The following ZNF503 variants were observed in gnomAD, a reference collection of about 807,000 sequenced individuals.
ZNF503 encodes zinc finger protein 503.
Under a neutral mutation model 34.4 loss-of-function variants are expected in ZNF503, and 15 were observed. That is an observed-to-expected ratio of 0.44 (90% CI 0.29 to 0.67). ZNF503 has a LOEUF of 0.67. ZNF503 is among the 30% of genes least tolerant of loss of function. The probability of loss-of-function intolerance (pLI) is 0.13; values close to 1 mark genes in which losing one functional copy is unlikely to be tolerated. For synonymous variants in ZNF503, 580 were observed against 456.8 expected, an observed-to-expected ratio of 1.27 and a Z score of -3.44; for missense variants, 1,007 against 926.8, an observed-to-expected ratio of 1.09 and a Z score of -1.12.
At chr10:75,303,361 A>T in the ZNF503 span, among the ~76,000 whole-genome samples, 1 of 152,216 alleles carries the variant, frequency 6.6e-6, no homozygotes, top group Admixed American at 6.5e-5. Context: ...CTGATCCCAC[A>T]TATAGTTGGA....
chr10:75,326,611 C>CT, the ZNF503 span, among the ~76,000 whole-genome samples: 11 of 149,822 alleles, frequency 7.3e-5, no homozygotes, highest in Non-Finnish European at 1.2e-4. Context: ...GGCAATCTTC[C>CT]TTTTTTTTTG....
At position 75,399,952 on chromosome 10, in the gene ZNF503, C is replaced by G. The variant is rs776238781; in HGVS notation, c.738G>C (p.Gly246=). 4.4e-6 allele frequency: 7 copies of G among 1,606,426 alleles called. No individual in the cohort carries two copies. Among genetic ancestry groups the G allele is most frequent in the Admixed American group, 1.7e-5 (1 of 59,910 alleles). The change falls in exon 2 of 2, where the codon GGG becomes GGC. Residue 246 remains glycine, a synonymous_variant. Transcript: ENST00000372524. ...TGTCGTCCTTGCCCTCCGGGGCACC[C>G]CCGGCCGAGGACAGCATACCTCCCG... ...CSPGGMLSSA[G]GAPEGKDDKK...
At chr10:75,388,290 T>C in the ZNF503 span, among the ~76,000 whole-genome samples, 1 of 152,182 alleles carries the variant, frequency 6.6e-6, no homozygotes, top group Admixed American at 6.5e-5. Flanking sequence ...CTTTCATTTG[T>C]AGTACTTGCC....
At position 75,399,434 on chromosome 10, in the gene ZNF503, G is replaced by A. The variant is rs1843750346; in HGVS notation, c.1256C>T (p.Pro419Leu). The stretch of plus-strand genomic sequence containing the variant: ...GCACAAACTGGCTGTCATCACGGAC[G>A]GCGGAGACGCTCCGGCCAAAGGGCT... The part of the protein sequence containing the change: ...GSSPLAGASP[P>L]SVMTASLCRD... Residue 419 changes from proline (P) to leucine (L), a missense_variant, in exon 2 of 2, where the codon CCG becomes CTG. Transcript: ENST00000372524. 6.3e-7 allele frequency: 1 copy of A among 1,597,110 alleles called. No individual in the cohort carries two copies. Among genetic ancestry groups the A allele is most frequent in the Non-Finnish European group, 8.5e-7 (1 of 1,176,342 alleles).
downstream of ZNF503, among the ~76,000 whole-genome samples, chr10:75,394,062 C>A (rs1843671586): frequency 2.0e-5 from 3 of 152,206 alleles, no homozygotes; most frequent in Non-Finnish European, 4.4e-5. Context: ...GTGAGAATCC[C>A]TGCTTATAGC....
chr10:75,386,205 C>G, the ZNF503 span, among the ~76,000 whole-genome samples: 2 of 152,214 alleles, frequency 1.3e-5, no homozygotes, highest in Admixed American at 1.3e-4. Flanking sequence ...TTTGAAAGGA[C>G]ACTGTGCGCT....
the ZNF503 span, among the ~76,000 whole-genome samples, chr10:75,339,667 C>G: frequency 2.6e-5 from 4 of 152,078 alleles, no homozygotes; most frequent in Non-Finnish European, 5.9e-5. Flanking sequence ...GCCACCTGTG[C>G]CTTGGTGATG....
chr10:75,339,668 C>T, the ZNF503 span, among the ~76,000 whole-genome samples: 1 of 152,124 alleles, frequency 6.6e-6, no homozygotes, highest in Non-Finnish European at 1.5e-5. Context: ...CCACCTGTGC[C>T]TTGGTGATGC....
chr10:75,348,636 C>T, the ZNF503 span, among the ~76,000 whole-genome samples: 1 of 151,566 alleles, frequency 6.6e-6, no homozygotes. Context: ...CTCAGCCTCC[C>T]CAGCAGCTGG....
At chr10:75,288,899 G>T in the ZNF503 span, among the ~76,000 whole-genome samples, 3 of 152,194 alleles carry the variant, frequency 2.0e-5, no homozygotes, top group Admixed American at 6.5e-5. Flanking sequence ...GCCTGCACCA[G>T]GTACAGTAGG....
At chr10:75,291,712 G>T in the ZNF503 span, among the ~76,000 whole-genome samples, 3 of 152,360 alleles carry the variant, frequency 2.0e-5, no homozygotes, top group Admixed American at 2.0e-4. Context: ...TGCTGCTGCT[G>T]TGGTCTCTCC....
the ZNF503 span, among the ~76,000 whole-genome samples, chr10:75,289,276 A>C: frequency 1.3e-5 from 2 of 152,088 alleles, no homozygotes; most frequent in African/African-American, 2.4e-5. Context: ...AGAGGGTGAT[A>C]ACTGAGTCAT....
downstream of ZNF503, among the ~76,000 whole-genome samples, chr10:75,394,759 C>G (rs1000677086): frequency 6.6e-6 from 1 of 152,188 alleles, no homozygotes; most frequent in Non-Finnish European, 1.5e-5. Flanking sequence ...AGTGTGGAAA[C>G]AAGTGAGTGC....
At chr10:75,365,304 C>T in the ZNF503 span, among the ~76,000 whole-genome samples, 7 of 152,216 alleles carry the variant, frequency 4.6e-5, no homozygotes, top group East Asian at 1.9e-4. Context: ...TGTGCCACCA[C>T]ACCCGGCTAA....
the ZNF503 span, among the ~76,000 whole-genome samples, chr10:75,291,025 G>A: frequency 2.1e-4 from 32 of 152,318 alleles, 1 homozygote; most frequent in Middle Eastern, 0.02. Context: ...TCTGATGAAT[G>A]AGGACCAGAT....
Position 75,398,804 on chromosome 10 carries a change from G to T in ZNF503, c.1886C>A (p.Pro629His). ...CAGTCTCTGTCCGTAGAGGGCGTAG[G>T]GGGAGTAGTACGGTCCGGTGGCGGC... ...VPAATGPYYS[P>H]YALYGQRLTT... Residue 629 changes from proline (P) to histidine (H), a missense_variant, in exon 2 of 2, where the codon CCC (proline) becomes CAC (histidine). Physicochemically the swap from Pro to His is moderately conservative, Grantham distance 77. Transcript: ENST00000372524. The T allele has an allele frequency of 6.7e-7, 1 of 1,482,582 alleles. No homozygotes were observed. The highest frequency in any genetic ancestry group is 8.9e-7 in the Non-Finnish European group (1 of 1,122,126). The allele number at this position is 1,482,582 out of a possible 1,614,324, so 91.8% of individuals were successfully genotyped here.
intron 1 of ZNF503, among the ~76,000 whole-genome samples, chr10:75,400,813 A>C (rs1843790759): frequency 6.6e-6 from 1 of 152,340 alleles, no homozygotes; most frequent in Admixed American, 6.5e-5. Flanking sequence ...ACCGTATTTC[A>C]GACCTCCGCC....
the ZNF503 span, among the ~76,000 whole-genome samples, chr10:75,287,142 G>A: frequency 6.6e-6 from 1 of 152,098 alleles, no homozygotes; most frequent in South Asian, 2.1e-4. Context: ...AGTGCCCTCT[G>A]CATGGTCAGC....
the ZNF503 span, among the ~76,000 whole-genome samples, chr10:75,318,719 T>TA: frequency 6.7e-6 from 1 of 149,510 alleles, no homozygotes; most frequent in Non-Finnish European, 1.5e-5. Flanking sequence ...AGAACTATTC[T>TA]AAAAAAATAG....
Sources: gnomAD v4.1 joint callset for allele counts (sites outside exome capture counted in the v4.1 genomes callset) on GRCh38, gnomAD v4.1.1 for gene constraint, MANE v1.5 for transcripts, NCBI Gene and HGNC (gene_info 2026-07-23, HGNC 2026-07-21) for gene names.